DPYD: variants seen among roughly 807,000 people sequenced by gnomAD.
DPYD encodes dihydropyrimidine dehydrogenase [NADP(+)].
In DPYD, 109 loss-of-function variants were observed where a neutral mutation model predicts 116.2. The observed-to-expected ratio is 0.94, with a 90% CI of 0.80 to 1.10. DPYD has a LOEUF of 1.10. DPYD is among the 50% of genes least tolerant of loss of function. The pLI is 0.00. For synonymous variants in DPYD, 440 were observed against 432.0 expected (o/e 1.02, Z -0.23); for missense variants, 1,302 against 1,254.5 (o/e 1.04, Z -0.57).
chr1:97,713,085 T>C (rs1185523453), intron 5 of DPYD, among the ~76,000 whole-genome samples: 3 of 152,126 alleles, frequency 2.0e-5, no homozygotes, highest in Non-Finnish European at 4.4e-5. Context: ...AAATTTTACT[T>C]ATCATCATTA....
intron 20 of DPYD, among the ~76,000 whole-genome samples, chr1:97,150,554 G>A (rs1337592268): frequency 1.3e-5 from 2 of 152,160 alleles, no homozygotes; most frequent in African/African-American, 2.4e-5. Context: ...GCATTTTCTT[G>A]TGGGCACTGG....
chr1:97,267,219 A>G (rs1664296694), intron 18 of DPYD, among the ~76,000 whole-genome samples: 1 of 152,210 alleles, frequency 6.6e-6, no homozygotes, highest in Non-Finnish European at 1.5e-5. Context: ...AATGACTGCC[A>G]TTGTAACTGG....
intron 8 of DPYD, among the ~76,000 whole-genome samples, chr1:97,604,401 T>C (rs1449422219): frequency 2.6e-5 from 4 of 152,124 alleles, no homozygotes; most frequent in Non-Finnish European, 5.9e-5. Context: ...TTCACAAACA[T>C]AGAAATTTGT....
intron 22 of DPYD, among the ~76,000 whole-genome samples, chr1:97,081,140 G>GA (rs1649121432): frequency 6.0e-5 from 9 of 150,590 alleles, no homozygotes; most frequent in Admixed American, 6.0e-4. Context: ...AAAATTAATA[G>GA]TTTTTTTTTA....
At position 97,849,514 on chromosome 1, in the gene DPYD, C is replaced by T. The variant is rs550971910; in HGVS notation, c.151-21318G>A. 1.5e-3 allele frequency among the ~76,000 whole-genome samples: 214 copies of T among 142,268 alleles called. 3 individuals are homozygous for T. The highest frequency in any genetic ancestry group is 2.3e-3 in the Non-Finnish European group (151 of 65,238). 93.3% of individuals were successfully genotyped at this position (142,268 alleles called of 152,430 possible). ...TTTCTACATTCATTTTTTTTTTTTT[C>T]GCCAGCTGAGAAAACGGAAGCCCGG... On this transcript the variant is annotated intron_variant, in intron 2 of 22. Coordinates refer to ENST00000370192, the MANE Select transcript of DPYD (RefSeq NM_000110.4).
At chr1:97,723,999 T>C (rs115918974) in intron 4 of DPYD, among the ~76,000 whole-genome samples, 418 of 151,764 alleles carry the variant, frequency 2.8e-3, no homozygotes, top group Middle Eastern at 0.01. Flanking sequence ...GGTTGGTTTA[T>C]ATCAAAATAT....
intron 16 of DPYD, among the ~76,000 whole-genome samples, chr1:97,341,328 G>C (rs1210958706): frequency 2.0e-5 from 3 of 152,080 alleles, no homozygotes; most frequent in Non-Finnish European, 4.4e-5. Flanking sequence ...ACATCAAGTT[G>C]AATTGCAAAG....
At chr1:97,195,125 C>G (rs1161964335) in intron 19 of DPYD, among the ~76,000 whole-genome samples, 2 of 152,068 alleles carry the variant, frequency 1.3e-5, no homozygotes, top group Non-Finnish European at 2.9e-5. Context: ...ACATCAAATT[C>G]AAAATTTACA....
rs535454376 is a variant in DPYD at position 97,705,259 on chromosome 1, T to A, written c.484-5712A>T. ...AACTCGTCATCTAGCATTAGGTATA[T>A]CTCCTAATGCTATCCCTCCCCGCTC... On this transcript the variant is annotated intron_variant, in intron 5 of 22. Coordinates refer to ENST00000370192, the MANE Select transcript of DPYD (RefSeq NM_000110.4). 7.9e-5 allele frequency among the ~76,000 whole-genome samples: 12 copies of A among 152,174 alleles called. No homozygotes were observed. In the South Asian group the frequency reaches 2.1e-3, roughly 26 times the overall value.
intron 3 of DPYD, among the ~76,000 whole-genome samples, chr1:97,771,711 A>C (rs922218593): frequency 1.3e-5 from 2 of 152,170 alleles, no homozygotes; most frequent in Non-Finnish European, 2.9e-5. Flanking sequence ...AATGTTTCTG[A>C]CTTCATCTGT....
At chr1:97,421,212 C>T (rs1465432341) in intron 14 of DPYD, among the ~76,000 whole-genome samples, 1 of 152,148 alleles carries the variant, frequency 6.6e-6, no homozygotes, top group Non-Finnish European at 1.5e-5. Context: ...TTAACTCTCA[C>T]AACAACCTTA....
At chr1:97,357,376 T>A (rs192509029) in intron 16 of DPYD, among the ~76,000 whole-genome samples, 5 of 152,118 alleles carry the variant, frequency 3.3e-5, no homozygotes, top group Non-Finnish European at 5.9e-5. Flanking sequence ...GTGTTTTTTT[T>A]TTTTGGTGGA....
At chr1:97,659,353 A>G (rs78969085) in intron 8 of DPYD, among the ~76,000 whole-genome samples, 3,147 of 152,250 alleles carry the variant, frequency 0.021, 111 homozygotes, top group African/African-American at 0.072. Flanking sequence ...CAGTCTGGAA[A>G]TTCAAGGGAA....
At chr1:97,793,023 T>C (rs1406049669) in intron 3 of DPYD, among the ~76,000 whole-genome samples, 2 of 152,224 alleles carry the variant, frequency 1.3e-5, no homozygotes, top group African/African-American at 2.4e-5. Flanking sequence ...TTAATAATAA[T>C]GTATCAATAC....
chr1:97,163,576 G>T (rs530565932), intron 20 of DPYD, among the ~76,000 whole-genome samples: 58 of 152,236 alleles, frequency 3.8e-4, no homozygotes, highest in Non-Finnish European at 6.6e-4. Flanking sequence ...CAAAGTGCTG[G>T]CAGGTTTGGT....
intron 18 of DPYD, among the ~76,000 whole-genome samples, chr1:97,239,273 T>A (rs1662158144): frequency 6.6e-6 from 1 of 152,204 alleles, no homozygotes. Flanking sequence ...CTGATTTTGA[T>A]GAAAAGTATT....
chr1:97,389,653 A>G (rs2101595958), intron 14 of DPYD, among the ~76,000 whole-genome samples: 1 of 152,190 alleles, frequency 6.6e-6, no homozygotes, highest in East Asian at 1.9e-4. Context: ...TTTAAATTGG[A>G]GTATTTAATA....
chr1:97,666,163 T>A (rs560732146), intron 8 of DPYD, among the ~76,000 whole-genome samples: 1 of 152,220 alleles, frequency 6.6e-6, no homozygotes, highest in African/African-American at 2.4e-5. Context: ...ATTCCTTCTG[T>A]GATTTATTTT....
intron 2 of DPYD, among the ~76,000 whole-genome samples, chr1:97,848,259 G>A (rs753283189): frequency 3.3e-5 from 5 of 152,050 alleles, no homozygotes; most frequent in Non-Finnish European, 4.4e-5. Flanking sequence ...CACCACGGCC[G>A]GCTAACTTTT....
Sources: gnomAD v4.1 joint callset for allele counts (sites outside exome capture counted in the v4.1 genomes callset) on GRCh38, gnomAD v4.1.1 for gene constraint, MANE v1.5 for transcripts, NCBI Gene and HGNC (gene_info 2026-07-23, HGNC 2026-07-21) for gene names.